Variants in SPATA13 observed in about 807,000 individuals in gnomAD.
SPATA13 encodes the protein spermatogenesis associated 13.
SPATA13 carries 50 observed loss-of-function variants against 104.0 expected under a neutral mutation model. The ratio of observed to expected loss-of-function variants is 0.48; its 90% CI spans 0.38 to 0.61. The LOEUF (loss-of-function observed/expected upper bound fraction) is 0.61, where lower values mean the gene tolerates loss of function less well. Among genes scored for constraint, SPATA13 ranks in the 20% least tolerant of loss-of-function variants. SPATA13 has a pLI of 0.00. For missense variants in SPATA13, 1,524 were observed against 1,690.6 expected, an observed-to-expected ratio of 0.90 and a Z score of 1.73; for synonymous variants, 606 against 667.5, an observed-to-expected ratio of 0.91 and a Z score of 1.42.
chr13:24,284,331 C>T, intron 5 of SPATA13, 60 bp downstream of exon 5: 11 of 1,544,118 alleles, frequency 7.1e-6, no homozygotes, highest in South Asian at 1.2e-5. Flanking sequence ...GGGTCCACAA[C>T]CACTTCTGAC....
At chr13:24,122,685 G>C in intron 3 of SPATA13, 1 of 998,304 alleles carries the variant, frequency 1.0e-6, no homozygotes, top group Non-Finnish European at 1.6e-6. Flanking sequence ...AAGTGTGTCT[G>C]TATCAACTGT....
intron 3 of SPATA13, among the ~76,000 whole-genome samples, chr13:24,018,823 T>G (rs1876831804): frequency 6.6e-6 from 1 of 152,256 alleles, no homozygotes; most frequent in African/African-American, 2.4e-5. Context: ...ACGTTTTGTG[T>G]ATCATACGAG....
rs2137717032 is a variant in SPATA13, at chr13:24,032,104, C to A, written c.-112+14403C>A. Among the ~76,000 whole-genome samples, 2 of 152,322 alleles carry A rather than the reference C, an allele frequency of 1.3e-5. 1 individual carries two copies. Among genetic ancestry groups the A allele is most frequent in the East Asian group, 3.9e-4 (2 of 5,190 alleles). On this transcript the variant is annotated intron_variant, in intron 3 of 14. Coordinates refer to the SPATA13 transcript ENST00000424834. ...ACACCCATGCTTGGTGTCTGATTAT[C>A]CTCCACCATCCCCCAGGTGACGTCT... is the stretch of plus-strand genomic sequence containing the variant.
chr13:24,087,628 G>A (rs550238071), intron 3 of SPATA13, among the ~76,000 whole-genome samples: 3 of 152,302 alleles, frequency 2.0e-5, no homozygotes, highest in African/African-American at 7.2e-5. Context: ...GGCATTACAG[G>A]AATGAAGATG....
chr13:24,165,776 AG>A (rs1215167429), intron 1 of SPATA13, among the ~76,000 whole-genome samples: 1 of 152,236 alleles, frequency 6.6e-6, no homozygotes, highest in East Asian at 1.9e-4. Flanking sequence ...TCTGTGTGAT[AG>A]GAACAGTCCA....
intron 4 of SPATA13, among the ~76,000 whole-genome samples, chr13:24,276,650 GAAAC>G (rs1427815541): frequency 2.0e-5 from 3 of 152,122 alleles, no homozygotes; most frequent in African/African-American, 7.2e-5. Context: ...AAGGAAGAAA[GAAAC>G]AATAAAATTT....
intron 3 of SPATA13, among the ~76,000 whole-genome samples, chr13:24,037,215 A>C (rs1471826169): frequency 5.3e-5 from 4 of 75,740 alleles, no homozygotes; most frequent in Admixed American, 4.2e-4. Context: ...GGGTGGGGGG[A>C]GGGGGGAGGG....
intron 4 of SPATA13, among the ~76,000 whole-genome samples, chr13:24,262,162 TTA>T (rs1874089387): frequency 6.6e-6 from 1 of 152,188 alleles, no homozygotes; most frequent in Non-Finnish European, 1.5e-5. Context: ...TAGGAAGTGC[TTA>T]TGTTGTTTCA....
chr13:24,259,549 T>A (rs1400967129), intron 4 of SPATA13, among the ~76,000 whole-genome samples: 1 of 152,260 alleles, frequency 6.6e-6, no homozygotes, highest in Non-Finnish European at 1.5e-5. Flanking sequence ...GTTTTTTCTG[T>A]TTGATTTTGT....
chr13:24,279,253 C>T (rs1875301181), intron 4 of SPATA13, among the ~76,000 whole-genome samples: 3 of 152,048 alleles, frequency 2.0e-5, no homozygotes, highest in Admixed American at 6.6e-5. Flanking sequence ...GTCAGGCACA[C>T]GGAGCAGCGG....
intron 9 of SPATA13, among the ~76,000 whole-genome samples, chr13:24,293,581 T>C (rs1447270741): frequency 6.6e-6 from 1 of 152,230 alleles, no homozygotes; most frequent in Non-Finnish European, 1.5e-5. Context: ...TCCATTTCCT[T>C]GTCTTAAGTA....
At chr13:24,130,040 C>A (rs544684365) in intron 3 of SPATA13, among the ~76,000 whole-genome samples, 20 of 152,322 alleles carry the variant, frequency 1.3e-4, no homozygotes, top group African/African-American at 4.6e-4. Context: ...GGCTACTCCA[C>A]ACAGCCCTTT....
intron 1 of SPATA13, among the ~76,000 whole-genome samples, chr13:24,198,203 C>G (rs527678685): frequency 6.6e-6 from 1 of 152,110 alleles, no homozygotes; most frequent in Non-Finnish European, 1.5e-5. Flanking sequence ...CTGTGTTGGC[C>G]AGGCTGGTCT....
chr13:24,169,180 T>C (rs1256831717), intron 1 of SPATA13, among the ~76,000 whole-genome samples: 2 of 152,238 alleles, frequency 1.3e-5, no homozygotes, highest in East Asian at 3.9e-4. Context: ...TAGAAAAGGC[T>C]TGGGCTCTTT....
At chr13:24,245,487 A>G (rs1873068799) in intron 2 of SPATA13, among the ~76,000 whole-genome samples, 1 of 147,376 alleles carries the variant, frequency 6.8e-6, no homozygotes, top group African/African-American at 2.5e-5. Flanking sequence ...AAGTTTTGCT[A>G]TTTTTAGAAT....
intron 3 of SPATA13, chr13:24,035,023 T>A (rs1187997711): frequency 6.6e-6 from 1 of 152,202 alleles, no homozygotes; most frequent in Non-Finnish European, 1.5e-5. Flanking sequence ...AAGCTCTACA[T>A]GACACATCAA....
At chr13:24,273,916 C>G (rs1330961915) in intron 4 of SPATA13, among the ~76,000 whole-genome samples, 2 of 152,100 alleles carry the variant, frequency 1.3e-5, no homozygotes, top group Non-Finnish European at 2.9e-5. Context: ...TCTTGAACTC[C>G]TGGCCTCAAG....
At chr13:24,231,568 C>T (rs879672326) in intron 2 of SPATA13, among the ~76,000 whole-genome samples, 2 of 152,218 alleles carry the variant, frequency 1.3e-5, no homozygotes, top group Admixed American at 1.3e-4. Context: ...TGAATACTTA[C>T]ATACAAGTCC....
intron 9 of SPATA13, 52 bp from the exon 10 acceptor site, chr13:24,294,687 C>G: frequency 6.5e-7 from 1 of 1,532,078 alleles, no homozygotes; most frequent in Non-Finnish European, 8.9e-7. Context: ...TTTGCCAGTC[C>G]TCATTTGTAA....
Sources: allele counts gnomAD v4.1 joint callset (sites outside exome capture counted in the v4.1 genomes callset), GRCh38; gene constraint gnomAD v4.1.1; transcripts MANE v1.5; gene names NCBI Gene and HGNC (gene_info 2026-07-23, HGNC 2026-07-21).